The following MITF variants were observed in gnomAD, a reference collection of about 807,000 sequenced individuals.
MITF encodes microphthalmia-associated transcription factor.
In MITF, 17 loss-of-function variants were observed where a neutral mutation model predicts 60.5. That is an observed-to-expected ratio of 0.28 (90% CI 0.19 to 0.42). MITF has a LOEUF of 0.42. Ranked by LOEUF, MITF falls within the 10% of genes least tolerant of loss-of-function variation. The pLI is 1.00. For synonymous variants in MITF, 260 were observed against 248.5 expected, an observed-to-expected ratio of 1.05 and a Z score of -0.43; for missense variants, 622 against 683.5, an observed-to-expected ratio of 0.91 and a Z score of 1.00.
chr3:69,939,084 T>C lies in MITF; in HGVS notation c.583-14T>C. The C allele has an allele frequency of 6.2e-7, 1 of 1,613,610 alleles. No homozygotes were observed. Among genetic ancestry groups the C allele is most frequent in the Non-Finnish European group, 8.5e-7 (1 of 1,179,820 alleles). On this transcript the variant is annotated splice_polypyrimidine_tract_variant and intron_variant, in intron 3 of 9. Coordinates refer to ENST00000352241, the MANE Select transcript of MITF (RefSeq NM_001354604.2). ...AATCCAAGTTATAGACTGTTTTTGC[T>C]TGTGTTTTTGCAGGGATTTTATAAG... is the stretch of plus-strand genomic sequence containing the variant.
At chr3:69,826,907 T>C (rs1205459452) in intron 1 of MITF, among the ~76,000 whole-genome samples, 2 of 152,210 alleles carry the variant, frequency 1.3e-5, no homozygotes, top group Non-Finnish European at 2.9e-5. Context: ...ATCTTTGGAG[T>C]AATGTTTGAT....
At chr3:69,813,367 T>G (rs1276370937) in intron 1 of MITF, among the ~76,000 whole-genome samples, 1 of 152,216 alleles carries the variant, frequency 6.6e-6, no homozygotes, top group Non-Finnish European at 1.5e-5. Context: ...GAAGCGCTGT[T>G]GCAATTCTCA....
At chr3:69,763,919 G>A in intron 1 of MITF, 1 of 1,371,594 alleles carries the variant, frequency 7.3e-7, no homozygotes, top group Non-Finnish European at 9.7e-7. Context: ...CCAGGAAATT[G>A]ACTCTGTGCC....
chr3:69,775,944 G>A (rs1177406343), intron 1 of MITF, among the ~76,000 whole-genome samples: 2 of 152,244 alleles, frequency 1.3e-5, no homozygotes, highest in African/African-American at 4.8e-5. Context: ...TACAGAGAAA[G>A]CGTGCATTGT....
chr3:69,862,591 A>C (rs1266899712), intron 1 of MITF, among the ~76,000 whole-genome samples: 2 of 152,230 alleles, frequency 1.3e-5, no homozygotes, highest in African/African-American at 4.8e-5. Context: ...TTCTTCAGCT[A>C]AGTCTTGGAC....
At chr3:69,834,268 A>G (rs772796791) in intron 1 of MITF, among the ~76,000 whole-genome samples, 3 of 152,250 alleles carry the variant, frequency 2.0e-5, no homozygotes, top group Non-Finnish European at 4.4e-5. Context: ...TATTCCTCCT[A>G]TCTAATTGTA....
intron 1 of MITF, among the ~76,000 whole-genome samples, chr3:69,772,598 C>T (rs1454807404): frequency 6.6e-6 from 1 of 152,174 alleles, no homozygotes; most frequent in Non-Finnish European, 1.5e-5. Flanking sequence ...AAAGGGATTG[C>T]TTTGACAAGT....
In MITF at chr3:69,906,771, G is replaced by C. The variant is rs187717311; in HGVS notation, c.354+27388G>C. Among the ~76,000 whole-genome samples the C allele has an allele frequency of 2.1e-4, 32 of 152,200 alleles. No individual in the cohort carries two copies. The South Asian group carries it at 2.7e-3, about 13-fold the overall frequency. The stretch of plus-strand genomic sequence containing the variant: ...AGGATCTGTCCAGGACTATGATTTG[G>C]TTTTTGTTTGTTTATTGTGTAATAT... On this transcript the variant is annotated intron_variant, in intron 2 of 9. Coordinates refer to ENST00000352241, the MANE Select transcript of MITF (RefSeq NM_001354604.2).
chr3:69,749,506 T>C (rs554010402), intron 1 of MITF, among the ~76,000 whole-genome samples: 1 of 152,328 alleles, frequency 6.6e-6, no homozygotes, highest in African/African-American at 2.4e-5. Flanking sequence ...TGGCAGAGAG[T>C]GCCTAGAATA....
At chr3:69,788,178 A>G (rs970210892) in intron 1 of MITF, among the ~76,000 whole-genome samples, 9 of 150,780 alleles carry the variant, frequency 6.0e-5, no homozygotes, top group Non-Finnish European at 1.2e-4. Flanking sequence ...GTACATGTGC[A>G]CAATATGCAG....
In MITF at chr3:69,959,280, C is replaced by T. The variant is rs1559751245; in HGVS notation, c.1039C>T (p.Arg347Cys). The T allele has an allele frequency of 1.2e-6, 2 of 1,613,952 alleles. No homozygotes were observed. Among genetic ancestry groups the T allele is most frequent in the Non-Finnish European group, 1.7e-6 (2 of 1,179,948 alleles). Residue 347 changes from arginine (R) to cysteine (C), a missense_variant, in exon 9 of 10, where the codon CGC (arginine) becomes TGC (cysteine). Physicochemically the swap from Arg to Cys is radical, Grantham distance 180. Transcript: ENST00000352241. ...LIPKSNDPDMRWNKGTILKAS... is the reference protein window; with the variant it reads ...LIPKSNDPDMCWNKGTILKAS... ...CCTCCATTTTCATCGCAGAGACATG[C>T]GCTGGAACAAGGGAACCATCTTAAA... is the stretch of plus-strand genomic sequence containing the variant.
intron 2 of MITF, among the ~76,000 whole-genome samples, chr3:69,927,742 G>A (rs557386728): frequency 6.6e-6 from 1 of 152,286 alleles, no homozygotes. Context: ...GGGACATGCT[G>A]TGTTACTTGG....
intron 2 of MITF, among the ~76,000 whole-genome samples, chr3:69,923,066 A>G (rs1360026905): frequency 6.6e-6 from 1 of 152,224 alleles, no homozygotes; most frequent in Non-Finnish European, 1.5e-5. Context: ...CCTTATTTAT[A>G]ATAAAGCACA....
At chr3:69,855,641 CTA>C (rs2107192934) in intron 1 of MITF, among the ~76,000 whole-genome samples, 2 of 151,692 alleles carry the variant, frequency 1.3e-5, no homozygotes, top group African/African-American at 4.8e-5. Flanking sequence ...GTATGAAGTA[CTA>C]TATAGCTAAT....
At chr3:69,800,732 T>C (rs1429218158) in intron 1 of MITF, among the ~76,000 whole-genome samples, 2 of 152,166 alleles carry the variant, frequency 1.3e-5, no homozygotes, top group East Asian at 1.9e-4. Context: ...CCTCCCCCCT[T>C]TTCATTTAAA....
chr3:69,919,337 A>T (rs1293592843), intron 2 of MITF, among the ~76,000 whole-genome samples: 4 of 152,224 alleles, frequency 2.6e-5, no homozygotes, highest in Non-Finnish European at 4.4e-5. Flanking sequence ...AATCTTGTTT[A>T]ATTTAATGCT....
chr3:69,953,662 T>TAGAGAGAGAG, intron 7 of MITF, among the ~76,000 whole-genome samples: 1 of 136,564 alleles, frequency 7.3e-6, no homozygotes, highest in East Asian at 2.1e-4. Context: ...TATATATATA[T>TAGAGAGAGAG]AGAGAGAGAG....
chr3:69,944,339 T>C (rs1162979800), intron 5 of MITF, among the ~76,000 whole-genome samples: 1 of 152,050 alleles, frequency 6.6e-6, no homozygotes, highest in Non-Finnish European at 1.5e-5. Flanking sequence ...GGGAGACTCT[T>C]TTAGCCCTTG....
At chr3:69,848,787 A>C (rs2063773893) in intron 1 of MITF, among the ~76,000 whole-genome samples, 1 of 152,086 alleles carries the variant, frequency 6.6e-6, no homozygotes, top group Non-Finnish European at 1.5e-5. Flanking sequence ...GTTCAAAAAC[A>C]AACCCACCAC....
Sources: allele counts gnomAD v4.1 joint callset (sites outside exome capture counted in the v4.1 genomes callset), GRCh38; gene constraint gnomAD v4.1.1; transcripts MANE v1.5; gene names NCBI Gene and HGNC (gene_info 2026-07-23, HGNC 2026-07-21).